ESR1: variants seen among roughly 807,000 people sequenced by gnomAD.
ESR1 encodes the protein estrogen receptor 1.
In ESR1, 12 loss-of-function variants were observed where a neutral mutation model predicts 52.7. The ratio of observed to expected loss-of-function variants is 0.23; its 90% confidence interval spans 0.15 to 0.37. ESR1 has a LOEUF of 0.37. ESR1 is among the 10% of genes least tolerant of loss of function. The pLI is 1.00. For missense variants in ESR1, 584 were observed against 779.7 expected, an observed-to-expected ratio of 0.75 and a Z score of 2.99; for synonymous variants, 305 against 316.8, an observed-to-expected ratio of 0.96 and a Z score of 0.39.
At position 152,061,219 on chromosome 6, in the gene ESR1, C is replaced by A. The variant is rs2128959513; in HGVS notation, c.1369+95C>A. ...TCTACCCACTCCAAAGGCATAATGTCATAAATAGAAAGAAACTACTGACAC... is the reference window on the plus strand; with the variant it reads ...TCTACCCACTCCAAAGGCATAATGTAATAAATAGAAAGAAACTACTGACAC... On this transcript the variant is annotated intron_variant, in intron 6 of 7. Transcript: ENST00000206249. This position sits in a 1 kb window ranked among gnomAD's most constrained non-coding sequence, Gnocchi z 4.3. 8.2e-7 allele frequency: 1 copy of A among 1,225,296 alleles called. No individual in the cohort carries two copies. Among genetic ancestry groups the A allele is most frequent in the South Asian group, 1.2e-5 (1 of 81,888 alleles). The allele number at this position is 1,225,296 out of a possible 1,614,324, so 75.9% of individuals were successfully genotyped here. A position where few individuals can be genotyped will look rare whatever the true frequency, so the allele number is the denominator to read the frequency against.
intron 2 of ESR1, among the ~76,000 whole-genome samples, chr6:151,742,523 G>A (rs1157113284): frequency 6.6e-6 from 1 of 152,118 alleles, no homozygotes; most frequent in Non-Finnish European, 1.5e-5. Flanking sequence ...GCTAACTCTG[G>A]AACTGGCTTG....
chr6:151,838,527 C>T (rs1437015945), intron 1 of ESR1, among the ~76,000 whole-genome samples: 1 of 152,184 alleles, frequency 6.6e-6, no homozygotes, highest in Non-Finnish European at 1.5e-5. Context: ...GGACACAGCT[C>T]TCTGTCTAGA....
upstream of ESR1, among the ~76,000 whole-genome samples, chr6:151,800,871 TG>T (rs1777169277): frequency 6.6e-6 from 1 of 152,134 alleles, no homozygotes; most frequent in South Asian, 2.1e-4. Context: ...CTCGCAAACA[TG>T]GAAGTCCTGG....
downstream of ESR1, among the ~76,000 whole-genome samples, chr6:152,107,513 T>A (rs969362990): frequency 6.6e-6 from 1 of 152,224 alleles, no homozygotes; most frequent in South Asian, 2.1e-4. Flanking sequence ...TGTCATACTC[T>A]AATTCTTTAA....
rs17081626 is a variant in ESR1 at position 151,731,623 on chromosome 6, T to A, written c.-71+29618T>A. The stretch of plus-strand genomic sequence containing the variant: ...CCTCAGAGAGTTTATGCTAACCCAG[T>A]GTCTTGGCCATGGCTTACTCATGAT... On this transcript the variant is annotated intron_variant, in intron 2 of 2. Transcript: ENST00000404742. Among the ~76,000 whole-genome samples the A allele has an allele frequency of 6.3e-3, 952 of 152,246 alleles. 15 individuals are homozygous for A. Among genetic ancestry groups the A allele is most frequent in the African/African-American group, 0.022 (914 of 41,544 alleles).
At chr6:151,662,978 T>G (rs1033168440) in intron 1 of ESR1, among the ~76,000 whole-genome samples, 1 of 152,210 alleles carries the variant, frequency 6.6e-6, no homozygotes, top group Non-Finnish European at 1.5e-5. Flanking sequence ...ATTCCAGGAA[T>G]AGTTAAGCCT....
intron 1 of ESR1, among the ~76,000 whole-genome samples, chr6:151,830,784 A>G (rs1027002780): frequency 7.0e-6 from 1 of 142,764 alleles, no homozygotes; most frequent in African/African-American, 2.8e-5. Flanking sequence ...TTTTGGGGTG[A>G]AGACATTTTT....
At chr6:151,679,822 T>G (rs1284931746) in intron 1 of ESR1, among the ~76,000 whole-genome samples, 2 of 152,212 alleles carry the variant, frequency 1.3e-5, no homozygotes, top group East Asian at 3.8e-4. Context: ...TGTTCTGAGC[T>G]GTTTATGTCC....
At chr6:151,793,669 T>G (rs1470034952) in intron 2 of ESR1, among the ~76,000 whole-genome samples, 2 of 152,180 alleles carry the variant, frequency 1.3e-5, no homozygotes, top group African/African-American at 4.8e-5. Flanking sequence ...TTCAGCTCCA[T>G]TATAACCTTA....
At chr6:151,915,988 T>G (rs1325716665) in intron 3 of ESR1, among the ~76,000 whole-genome samples, 4 of 152,212 alleles carry the variant, frequency 2.6e-5, no homozygotes. Flanking sequence ...TGAGATATTT[T>G]CAATACAATT....
intron 3 of ESR1, among the ~76,000 whole-genome samples, chr6:151,913,299 A>G (rs1052984444): frequency 2.0e-5 from 3 of 152,062 alleles, no homozygotes; most frequent in Non-Finnish European, 4.4e-5. Flanking sequence ...GGACACTTGT[A>G]TTGGGTTCCT....
rs1038383731 is a variant in ESR1, at chr6:151,880,504, C to T, written c.644-151C>T. ...CCCATGAGAGGTTTTGTTTGCACTT[C>T]AAGAAGGACAGAAAAAGGCAGGCAG... On this transcript the variant is annotated intron_variant, in intron 2 of 7. Transcript: ENST00000206249. 7.5e-5 allele frequency: 54 copies of T among 719,810 alleles called. No homozygotes were observed. In the African/African-American group the frequency reaches 9.3e-4, roughly 12 times the overall value. 44.6% of individuals were successfully genotyped at this position (719,810 alleles called of 1,614,324 possible).
At chr6:151,707,716 A>G (rs1780289640) in intron 2 of ESR1, among the ~76,000 whole-genome samples, 1 of 152,046 alleles carries the variant, frequency 6.6e-6, no homozygotes, top group Non-Finnish European at 1.5e-5. Flanking sequence ...ATTGCCAGAT[A>G]TATTTTTTTT....
At chr6:151,992,370 C>T (rs1174252602) in intron 4 of ESR1, among the ~76,000 whole-genome samples, 1 of 152,160 alleles carries the variant, frequency 6.6e-6, no homozygotes, top group African/African-American at 2.4e-5. Flanking sequence ...TCTCTTTCTA[C>T]GCGTTTAACT....
intron 2 of ESR1, among the ~76,000 whole-genome samples, chr6:151,790,572 G>A (rs1351774361): frequency 2.0e-5 from 3 of 149,786 alleles, no homozygotes; most frequent in South Asian, 2.1e-4. Context: ...AGAGAGAAAC[G>A]CTTCTTGCTG....
At chr6:151,664,140 A>G (rs1777737227) in intron 1 of ESR1, among the ~76,000 whole-genome samples, 1 of 152,222 alleles carries the variant, frequency 6.6e-6, no homozygotes, top group Non-Finnish European at 1.5e-5. Flanking sequence ...GAAAAGGCTG[A>G]AGTGGTGACT....
intron 4 of ESR1, among the ~76,000 whole-genome samples, chr6:151,968,511 G>A (rs1163345630): frequency 3.3e-5 from 5 of 152,246 alleles, no homozygotes; most frequent in African/African-American, 1.2e-4. Context: ...GAAAATTTTT[G>A]CAATCTATCC....
intron 2 of ESR1, among the ~76,000 whole-genome samples, chr6:151,757,201 C>T (rs528536980): frequency 6.7e-6 from 1 of 150,342 alleles, no homozygotes; most frequent in South Asian, 2.1e-4. Flanking sequence ...CTGGTGCACA[C>T]CTTTTACTGG....
chr6:152,040,658 C>T (rs989223865), intron 5 of ESR1, among the ~76,000 whole-genome samples: 1 of 152,212 alleles, frequency 6.6e-6, no homozygotes, highest in African/African-American at 2.4e-5. Context: ...GGGAAGATTT[C>T]CCTTCACTGC....
Sources: allele counts gnomAD v4.1 joint callset (sites outside exome capture counted in the v4.1 genomes callset), GRCh38; gene constraint gnomAD v4.1.1; non-coding constraint Gnocchi (gnomAD v3.1); transcripts MANE v1.5; gene names NCBI Gene and HGNC (gene_info 2026-07-23, HGNC 2026-07-21).